RBMS3: variants seen among roughly 807,000 people sequenced by gnomAD.
The protein encoded by RBMS3 is RNA binding motif single stranded interacting protein 3.
RBMS3 carries 27 observed loss-of-function variants against 66.8 expected under a neutral mutation model. That is an observed-to-expected ratio of 0.40 (90% CI 0.30 to 0.56). The LOEUF (loss-of-function observed/expected upper bound fraction) is 0.56. Among genes scored for constraint, RBMS3 ranks in the 20% least tolerant of loss-of-function variants. RBMS3 has a pLI of 0.40. For missense variants in RBMS3, 513 were observed against 549.5 expected, an observed-to-expected ratio of 0.93 and a Z score of 0.66; for synonymous variants, 188 against 183.0, an observed-to-expected ratio of 1.03 and a Z score of -0.22.
intron 2 of RBMS3, among the ~76,000 whole-genome samples, chr3:29,446,023 T>A (rs985957613): frequency 1.3e-5 from 2 of 152,300 alleles, no homozygotes; most frequent in East Asian, 3.9e-4. Context: ...AATCAAGATA[T>A]AAAACATTTC....
intron 4 of RBMS3, among the ~76,000 whole-genome samples, chr3:29,623,889 A>G (rs747954122): frequency 6.6e-6 from 1 of 152,230 alleles, no homozygotes. Context: ...CAGTGGAAGC[A>G]AAAGAATTTT....
intron 4 of RBMS3, among the ~76,000 whole-genome samples, chr3:29,590,879 G>T (rs778966308): frequency 3.9e-5 from 6 of 152,122 alleles, no homozygotes; most frequent in Non-Finnish European, 7.4e-5. Flanking sequence ...TGGCTTTTAT[G>T]TCACACATTT....
At chr3:29,603,377 G>A (rs140113669) in intron 4 of RBMS3, among the ~76,000 whole-genome samples, 112 of 152,066 alleles carry the variant, frequency 7.4e-4, no homozygotes, top group Admixed American at 1.8e-3. Flanking sequence ...AGAAAGTACT[G>A]CAAAATTCAT....
chr3:29,726,900 A>G (rs2053904129), intron 4 of RBMS3, among the ~76,000 whole-genome samples: 2 of 152,224 alleles, frequency 1.3e-5, no homozygotes, highest in Non-Finnish European at 2.9e-5. Context: ...AAGAGCTTGT[A>G]TAGCCAAGAC....
intron 1 of RBMS3, among the ~76,000 whole-genome samples, chr3:29,423,068 C>T (rs1048326256): frequency 4.0e-5 from 6 of 151,788 alleles, no homozygotes; most frequent in African/African-American, 1.5e-4. Flanking sequence ...CCTTTTTTTG[C>T]CTTGGTCCTG....
intron 6 of RBMS3, among the ~76,000 whole-genome samples, chr3:29,782,446 T>A (rs1026851918): frequency 1.3e-5 from 2 of 152,178 alleles, no homozygotes; most frequent in African/African-American, 4.8e-5. Context: ...TCACTACATT[T>A]GGCTCTCAGG....
intron 5 of RBMS3, among the ~76,000 whole-genome samples, chr3:29,750,144 G>A (rs1030497121): frequency 1.3e-5 from 2 of 151,716 alleles, no homozygotes; most frequent in African/African-American, 4.9e-5. Flanking sequence ...TTTGATTGAC[G>A]TTGACTTAGC....
Position 29,490,514 on chromosome 3 carries a change from A to G in RBMS3, c.307+2015A>G, listed in dbSNP as rs541135938. On this transcript the variant is annotated intron_variant, in intron 3 of 14. Transcript: ENST00000383767. ...TGCCTCTTGGTGAGGTAAGAAGTCC[A>G]GAAGTAGTAGTAGTAGGTTTTGGGG... 8.5e-5 allele frequency among the ~76,000 whole-genome samples: 13 copies of G among 152,262 alleles called. No homozygotes were observed. The East Asian group carries it at 2.5e-3, about 29-fold the overall frequency.
chr3:29,702,639 G>A (rs1172276756), intron 4 of RBMS3, among the ~76,000 whole-genome samples: 1 of 151,480 alleles, frequency 6.6e-6, no homozygotes, highest in Non-Finnish European at 1.5e-5. Flanking sequence ...AACCCACCAG[G>A]AGGAATGAAC....
chr3:29,353,213 C>A (rs992096534), intron 1 of RBMS3, among the ~76,000 whole-genome samples: 1 of 151,752 alleles, frequency 6.6e-6, no homozygotes, highest in Admixed American at 6.6e-5. Flanking sequence ...ATTGCATTAT[C>A]TAGTACCTCC....
At chr3:29,360,013 A>AT (rs2037470721) in intron 1 of RBMS3, among the ~76,000 whole-genome samples, 2 of 151,992 alleles carry the variant, frequency 1.3e-5, no homozygotes, top group African/African-American at 4.8e-5. Flanking sequence ...GGATTCATTG[A>AT]TTTTTGGAAG....
At chr3:29,340,207 A>AAAC (rs1161984907) in intron 1 of RBMS3, among the ~76,000 whole-genome samples, 1 of 152,156 alleles carries the variant, frequency 6.6e-6, no homozygotes, top group Non-Finnish European at 1.5e-5. Context: ...CTTCTGGTTA[A>AAAC]AACAACAACA....
chr3:29,295,273 TTATATATATATATATATATATACATA>T lies in RBMS3; in HGVS notation c.75+13523_75+13548del, dbSNP rs1266869748. Among the ~76,000 whole-genome samples the T allele has an allele frequency of 2.3e-4, 12 of 51,352 alleles. No homozygotes were observed. The East Asian group carries it at 3.9e-3, about 16-fold the overall frequency. The allele number at this position is 51,352 out of a possible 152,430, so 33.7% of individuals were successfully genotyped here. A position where few individuals can be genotyped will look rare whatever the true frequency, so the allele number is the denominator to read the frequency against. The stretch of plus-strand genomic sequence containing the variant: ...GGTCCTTATTCCCAATTGCAGAAAA[TTATATATATATATATATATATACATA>T]TATATCTATATATATACATATATAT... On this transcript the variant is annotated intron_variant, in intron 1 of 14. Coordinates refer to ENST00000383767, the MANE Select transcript of RBMS3 (RefSeq NM_001003793.3).
chr3:29,397,692 C>T (rs904044100), intron 1 of RBMS3, among the ~76,000 whole-genome samples: 6 of 152,112 alleles, frequency 3.9e-5, no homozygotes, highest in African/African-American at 1.4e-4. Flanking sequence ...ACCCCTCCCC[C>T]TTACAGCTCT....
intron 5 of RBMS3, among the ~76,000 whole-genome samples, chr3:29,755,217 G>T (rs912918305): frequency 2.6e-5 from 4 of 151,846 alleles, no homozygotes; most frequent in African/African-American, 9.7e-5. Flanking sequence ...CATTGGTCTG[G>T]CTAAAAAAAT....
Position 30,004,113 on chromosome 3 carries a change from G to T in RBMS3, c.*251G>T. 1 of 307,270 alleles carries T rather than the reference G, an allele frequency of 3.3e-6. No homozygotes were observed. Among genetic ancestry groups the T allele is most frequent in the Non-Finnish European group, 5.8e-6 (1 of 171,222 alleles). 19.0% of individuals were successfully genotyped at this position (307,270 alleles called of 1,614,324 possible). On this transcript the variant is annotated 3_prime_UTR_variant, in exon 15 of 15. Transcript: ENST00000383767. ...ATTAAAGAAAAAATTTCCAGAAGAG[G>T]AAAAAAAAACTACAAAAAACAAAAC...
intron 2 of RBMS3, among the ~76,000 whole-genome samples, chr3:29,446,259 A>G (rs971956294): frequency 3.9e-5 from 6 of 152,146 alleles, no homozygotes; most frequent in African/African-American, 1.4e-4. Context: ...TAAGCCCTCA[A>G]TAATTGTTCA....
At chr3:29,937,710 A>G (rs1342451753) in intron 11 of RBMS3, among the ~76,000 whole-genome samples, 2 of 151,988 alleles carry the variant, frequency 1.3e-5, no homozygotes, top group African/African-American at 2.4e-5. Flanking sequence ...TGTCTAAGAT[A>G]TATTTAACTA....
intron 1 of RBMS3, among the ~76,000 whole-genome samples, chr3:29,296,106 A>G (rs2033244052): frequency 2.0e-5 from 3 of 151,788 alleles, no homozygotes; most frequent in Non-Finnish European, 4.4e-5. Context: ...CCTTTGTGAC[A>G]CTATCACAGA....
Sources: allele counts gnomAD v4.1 joint callset (sites outside exome capture counted in the v4.1 genomes callset), GRCh38; gene constraint gnomAD v4.1.1; transcripts MANE v1.5; gene names NCBI Gene and HGNC (gene_info 2026-07-23, HGNC 2026-07-21).